The following GRID2 variants were observed in gnomAD, a reference collection of about 807,000 sequenced individuals.
GRID2 encodes glutamate ionotropic receptor delta type subunit 2.
A neutral mutation model predicts 114.8 loss-of-function variants in GRID2; 33 were observed. The ratio of observed to expected loss-of-function variants is 0.29; its 90% CI spans 0.22 to 0.38. The LOEUF (loss-of-function observed/expected upper bound fraction) is 0.38, where lower values mean the gene tolerates loss of function less well. Among genes scored for constraint, GRID2 ranks in the 10% least tolerant of loss-of-function variants. The probability of loss-of-function intolerance (pLI) is 1.00; values close to 1 mark genes in which losing one functional copy is unlikely to be tolerated. For synonymous variants in GRID2, 505 were observed against 449.9 expected (o/e 1.12, Z -1.55); for missense variants, 1,184 against 1,257.7 (o/e 0.94, Z 0.89).
intron 1 of GRID2, among the ~76,000 whole-genome samples, chr4:92,522,074 A>G (rs900756571): frequency 6.6e-6 from 1 of 151,934 alleles, no homozygotes; most frequent in African/African-American, 2.4e-5. Context: ...TGTGGGGCAG[A>G]TAGAGTAGGG....
intron 2 of GRID2, among the ~76,000 whole-genome samples, chr4:92,746,965 T>C (rs1737177982): frequency 6.6e-6 from 1 of 152,114 alleles, no homozygotes; most frequent in Non-Finnish European, 1.5e-5. Context: ...AACACGTCAA[T>C]GTTGGAAAGT....
intron 14 of GRID2, among the ~76,000 whole-genome samples, chr4:93,736,808 AT>A (rs11339696): frequency 0.48 from 71,117 of 147,906 alleles, 17,550 homozygotes; most frequent in East Asian, 0.73. Flanking sequence ...CATGGCTCCA[AT>A]TTTTTTTTGT....
At chr4:93,275,381 G>C (rs942386408) in intron 8 of GRID2, among the ~76,000 whole-genome samples, 15 of 151,410 alleles carry the variant, frequency 9.9e-5, no homozygotes, top group Non-Finnish European at 1.8e-4. Flanking sequence ...TGAACTTTGT[G>C]AGCAAGATTT....
intron 2 of GRID2, among the ~76,000 whole-genome samples, chr4:92,857,360 T>G (rs1220621959): frequency 6.6e-6 from 1 of 152,144 alleles, no homozygotes; most frequent in East Asian, 1.9e-4. Context: ...AAGTTGTGAA[T>G]GTACAGGGTG....
intron 11 of GRID2, among the ~76,000 whole-genome samples, chr4:93,469,930 T>G (rs1239457254): frequency 1.3e-5 from 2 of 152,124 alleles, no homozygotes; most frequent in Non-Finnish European, 2.9e-5. Context: ...GTCTTTAATA[T>G]TCAGTCCTCC....
At chr4:92,976,882 A>G (rs1349939146) in intron 2 of GRID2, among the ~76,000 whole-genome samples, 1 of 152,162 alleles carries the variant, frequency 6.6e-6, no homozygotes, top group Non-Finnish European at 1.5e-5. Context: ...ATGAAATCAT[A>G]CACTCTTACA....
At chr4:93,081,541 C>A (rs1490845448) in intron 2 of GRID2, among the ~76,000 whole-genome samples, 1 of 152,074 alleles carries the variant, frequency 6.6e-6, no homozygotes, top group Non-Finnish European at 1.5e-5. Flanking sequence ...GTGCTTTTGG[C>A]AGTTAGTGCA....
chr4:92,566,859 A>T (rs1259359644), intron 1 of GRID2, among the ~76,000 whole-genome samples: 1 of 151,994 alleles, frequency 6.6e-6, no homozygotes, highest in Non-Finnish European at 1.5e-5. Context: ...GTTGTGGATG[A>T]TTTTCACTGC....
intron 2 of GRID2, among the ~76,000 whole-genome samples, chr4:93,023,827 T>C (rs553391038): frequency 1.3e-5 from 2 of 151,968 alleles, no homozygotes; most frequent in East Asian, 1.9e-4. Context: ...GTTCACATTA[T>C]TCTAAACAAA....
At chr4:93,165,819 G>A (rs1225640576) in intron 4 of GRID2, among the ~76,000 whole-genome samples, 1 of 151,958 alleles carries the variant, frequency 6.6e-6, no homozygotes, top group African/African-American at 2.4e-5. Flanking sequence ...ATTGATGGAC[G>A]GCGCAAAACC....
At chr4:92,704,218 C>T (rs1313036886) in intron 2 of GRID2, among the ~76,000 whole-genome samples, 1 of 152,112 alleles carries the variant, frequency 6.6e-6, no homozygotes, top group African/African-American at 2.4e-5. Flanking sequence ...GCGGAGCTTG[C>T]AGTGAGCCGA....
At chr4:92,957,811 G>T (rs1043011033) in intron 2 of GRID2, among the ~76,000 whole-genome samples, 2 of 151,894 alleles carry the variant, frequency 1.3e-5, no homozygotes, top group African/African-American at 2.4e-5. Context: ...CATTTATTCA[G>T]TCCTTTTTAT....
At chr4:93,673,162 C>T (rs767173775) in intron 14 of GRID2, among the ~76,000 whole-genome samples, 11 of 152,088 alleles carry the variant, frequency 7.2e-5, no homozygotes, top group Admixed American at 2.6e-4. Flanking sequence ...TAGGTTATTA[C>T]AGTAGAGATT....
chr4:93,042,667 CTCTCTA>C (rs1725688535), intron 2 of GRID2, among the ~76,000 whole-genome samples: 1 of 144,048 alleles, frequency 6.9e-6, no homozygotes, highest in Non-Finnish European at 1.5e-5. Context: ...TTCTATCTCT[CTCTCTA>C]TATATCTATA....
At chr4:93,024,384 C>A (rs1391488796) in intron 2 of GRID2, among the ~76,000 whole-genome samples, 1 of 151,500 alleles carries the variant, frequency 6.6e-6, no homozygotes, top group Non-Finnish European at 1.5e-5. Flanking sequence ...CATATTTATA[C>A]CATAGAATTT....
chr4:93,107,793 C>A (rs574468771), intron 3 of GRID2, among the ~76,000 whole-genome samples: 43 of 152,190 alleles, frequency 2.8e-4, no homozygotes, highest in African/African-American at 9.9e-4. Flanking sequence ...CACGCCCAGC[C>A]CCAATTTAAA....
At chr4:92,873,795 AC>A (rs1375634009) in intron 2 of GRID2, among the ~76,000 whole-genome samples, 1 of 152,068 alleles carries the variant, frequency 6.6e-6, no homozygotes, top group African/African-American at 2.4e-5. Flanking sequence ...GCTCACCGCA[AC>A]TTCCACCTCC....
intron 8 of GRID2, among the ~76,000 whole-genome samples, chr4:93,314,893 C>T (rs1458198038): frequency 6.6e-6 from 1 of 152,006 alleles, no homozygotes; most frequent in Non-Finnish European, 1.5e-5. Flanking sequence ...TATCTACTCC[C>T]TTACCAGATT....
At chr4:92,982,854 A>G (rs539879019) in intron 2 of GRID2, among the ~76,000 whole-genome samples, 2 of 152,286 alleles carry the variant, frequency 1.3e-5, no homozygotes, top group Admixed American at 6.5e-5. Context: ...TTAATTTAAC[A>G]AACACTCATT....
Sources: gnomAD v4.1 joint callset for allele counts (sites outside exome capture counted in the v4.1 genomes callset) on GRCh38, gnomAD v4.1.1 for gene constraint, MANE v1.5 for transcripts, NCBI Gene and HGNC (gene_info 2026-07-23, HGNC 2026-07-21) for gene names.